The following AGBL4 variants were observed in gnomAD, a reference collection of about 807,000 sequenced individuals.
AGBL4 encodes the protein cytosolic carboxypeptidase 6.
AGBL4 carries 58 observed loss-of-function variants against 66.4 expected under a neutral mutation model. That is an observed-to-expected ratio of 0.87 (90% CI 0.71 to 1.09). The LOEUF (loss-of-function observed/expected upper bound fraction) is 1.09. Ranked by LOEUF, AGBL4 falls within the 50% of genes least tolerant of loss-of-function variation. The pLI, the probability that AGBL4 is intolerant of heterozygous loss-of-function variation, is 0.00. For missense variants in AGBL4, 579 were observed against 631.0 expected, an observed-to-expected ratio of 0.92 and a Z score of 0.88; for synonymous variants, 234 against 222.9, an observed-to-expected ratio of 1.05 and a Z score of -0.44.
At chr1:48,644,041 T>A (rs1470145308) in intron 8 of AGBL4, among the ~76,000 whole-genome samples, 4 of 152,138 alleles carry the variant, frequency 2.6e-5, no homozygotes, top group African/African-American at 9.7e-5. Context: ...ATTTTTCTGA[T>A]CCCTGTATCT....
chr1:49,921,750 G>A (rs993704725), intron 1 of AGBL4, among the ~76,000 whole-genome samples: 3 of 152,174 alleles, frequency 2.0e-5, no homozygotes, highest in Non-Finnish European at 4.4e-5. Context: ...TCCAGCATGG[G>A]AAAAAGATGA....
chr1:49,911,610 A>C (rs1028782245), intron 1 of AGBL4, among the ~76,000 whole-genome samples: 1 of 152,188 alleles, frequency 6.6e-6, no homozygotes, highest in Non-Finnish European at 1.5e-5. Context: ...GATTTTGTGA[A>C]ACCCCTAGTG....
intron 3 of AGBL4, among the ~76,000 whole-genome samples, chr1:49,333,291 A>G (rs1267218004): frequency 3.3e-5 from 5 of 152,192 alleles, no homozygotes; most frequent in Non-Finnish European, 7.3e-5. Flanking sequence ...CATCCTGGCA[A>G]ACATGGTGAA....
At chr1:49,255,519 A>G (rs1652412106) in intron 3 of AGBL4, among the ~76,000 whole-genome samples, 1 of 151,952 alleles carries the variant, frequency 6.6e-6, no homozygotes, top group Non-Finnish European at 1.5e-5. Flanking sequence ...AAAATAGATA[A>G]TGGCAAGGTT....
intron 5 of AGBL4, among the ~76,000 whole-genome samples, chr1:48,989,481 T>C (rs769061406): frequency 2.0e-5 from 3 of 152,170 alleles, no homozygotes; most frequent in African/African-American, 4.8e-5. Flanking sequence ...TTTCTAACTA[T>C]ATTTTATACT....
chr1:49,074,430 C>T (rs1356273859), intron 4 of AGBL4, among the ~76,000 whole-genome samples: 2 of 152,142 alleles, frequency 1.3e-5, no homozygotes, highest in Non-Finnish European at 2.9e-5. Flanking sequence ...TGAGATGAAC[C>T]AGGTACCTCA....
chr1:49,842,328 TG>T, intron 2 of AGBL4: 1 of 544,438 alleles, frequency 1.8e-6, no homozygotes, highest in Non-Finnish European at 3.2e-6. Context: ...ACCTCCCTGC[TG>T]GAGCAAGAGG....
At chr1:48,703,569 G>A (rs1258286740) in intron 6 of AGBL4, among the ~76,000 whole-genome samples, 1 of 152,142 alleles carries the variant, frequency 6.6e-6, no homozygotes, top group Non-Finnish European at 1.5e-5. Flanking sequence ...TACAAAGCAA[G>A]TATCTACTTG....
chr1:49,684,076 A>G (rs1439806651), intron 3 of AGBL4, among the ~76,000 whole-genome samples: 3 of 152,206 alleles, frequency 2.0e-5, no homozygotes, highest in Non-Finnish European at 4.4e-5. Flanking sequence ...AATGGGGCAT[A>G]ATAAGAGCCT....
chr1:48,613,752 G>T (rs142858747), intron 9 of AGBL4, among the ~76,000 whole-genome samples: 46 of 152,320 alleles, frequency 3.0e-4, no homozygotes, highest in Middle Eastern at 6.8e-3. Context: ...GCTGTGGCTG[G>T]CTCACTTACA....
At chr1:49,136,839 C>T (rs1459195192) in intron 4 of AGBL4, among the ~76,000 whole-genome samples, 1 of 152,102 alleles carries the variant, frequency 6.6e-6, no homozygotes, top group Non-Finnish European at 1.5e-5. Flanking sequence ...ATTCCCACTG[C>T]TGTTTATACT....
At chr1:49,061,581 T>A (rs1644403446) in intron 4 of AGBL4, among the ~76,000 whole-genome samples, 1 of 152,062 alleles carries the variant, frequency 6.6e-6, no homozygotes, top group South Asian at 2.1e-4. Context: ...GCCAGAAGAA[T>A]TACTGTGGTA....
intron 1 of AGBL4, among the ~76,000 whole-genome samples, chr1:49,923,663 A>T (rs1047641300): frequency 6.6e-6 from 1 of 152,206 alleles, no homozygotes; most frequent in Non-Finnish European, 1.5e-5. Context: ...GGACATGAAC[A>T]GACACTTCTC....
intron 6 of AGBL4, among the ~76,000 whole-genome samples, chr1:48,759,575 A>G (rs1292692432): frequency 6.6e-6 from 1 of 152,334 alleles, no homozygotes; most frequent in South Asian, 2.1e-4. Context: ...TCCTGGATGC[A>G]TATACCATGA....
At chr1:49,527,122 C>T (rs536890231) in intron 3 of AGBL4, 56 of 152,112 alleles carry the variant, frequency 3.7e-4, no homozygotes, top group African/African-American at 1.2e-3. Context: ...GACTACCAGA[C>T]GCTCACAAGG....
chr1:48,588,786 G>A (rs1033613825), intron 10 of AGBL4, among the ~76,000 whole-genome samples: 1 of 115,782 alleles, frequency 8.6e-6, no homozygotes, highest in Non-Finnish European at 1.9e-5. Flanking sequence ...TTTAGAGTTG[G>A]GCATTGAGGA....
intron 3 of AGBL4, among the ~76,000 whole-genome samples, chr1:49,629,545 G>A (rs1009404686): frequency 2.0e-5 from 3 of 152,112 alleles, no homozygotes; most frequent in African/African-American, 7.2e-5. Context: ...CATGGACCCA[G>A]CAGACACACT....
chr1:48,735,923 G>A (rs1015492236), intron 6 of AGBL4, among the ~76,000 whole-genome samples: 2 of 152,036 alleles, frequency 1.3e-5, no homozygotes, highest in East Asian at 1.9e-4. Flanking sequence ...AGTGACCCCC[G>A]TCCCCAGGAA....
At chr1:49,092,253 T>C (rs1645015978) in intron 4 of AGBL4, among the ~76,000 whole-genome samples, 1 of 152,164 alleles carries the variant, frequency 6.6e-6, no homozygotes, top group Admixed American at 6.5e-5. Context: ...GAACTCTGAC[T>C]ACTACAAAGA....
Sources: allele counts gnomAD v4.1 joint callset (sites outside exome capture counted in the v4.1 genomes callset), GRCh38; gene constraint gnomAD v4.1.1; transcripts MANE v1.5; gene names NCBI Gene and HGNC (gene_info 2026-07-23, HGNC 2026-07-21).